Variants in TENM1 observed in about 807,000 individuals in gnomAD.
TENM1 encodes teneurin transmembrane protein 1, also known as teneurin-1.
Under a neutral mutation model 174.8 loss-of-function variants are expected in TENM1, and 35 were observed. The ratio of observed to expected loss-of-function variants is 0.20; its 90% CI spans 0.15 to 0.27. The LOEUF is 0.27. TENM1 is among the 10% of genes least tolerant of loss of function. The pLI is 1.00. For missense variants in TENM1, 1,633 were observed against 2,130.1 expected (o/e 0.77, Z 4.59); for synonymous variants, 781 against 798.7 (o/e 0.98, Z 0.37).
intron 27 of TENM1, among the ~76,000 whole-genome samples, chrX:124,402,488 C>T (rs760695701): frequency 3.6e-5 from 4 of 112,354 alleles, no homozygotes; most frequent in African/African-American, 1.3e-4. Flanking sequence ...CTTCTTAACA[C>T]TAATGAGCTC....
At chrX:125,081,572 G>C in the TENM1 span, among the ~76,000 whole-genome samples, 1 of 110,952 alleles carries the variant, frequency 9.0e-6, no homozygotes, top group Non-Finnish European at 1.9e-5. Context: ...CAATCAGCAA[G>C]TTATATAGAT....
At chrX:124,911,213 G>A (rs1033697548) in intron 1 of TENM1, among the ~76,000 whole-genome samples, 1 of 111,551 alleles carries the variant, frequency 9.0e-6, no homozygotes. Flanking sequence ...ACGGCACTTG[G>A]CCTATAATTT....
chrX:125,104,120 A>G, the TENM1 span, among the ~76,000 whole-genome samples: 1 of 112,579 alleles, frequency 8.9e-6, no homozygotes, highest in South Asian at 3.7e-4. Flanking sequence ...AAGGAAAGAA[A>G]AAGTAGGCTT....
chrX:124,546,907 T>G (rs199619574), exon 15 of TENM1: 99 of 1,208,518 alleles, frequency 8.2e-5, no homozygotes, highest in Non-Finnish European at 1.1e-4. Context: ...AGGAATGACA[T>G]GAGTACTGTC....
At chrX:124,946,798 G>A (rs971462687) in intron 1 of TENM1, among the ~76,000 whole-genome samples, 7 of 110,008 alleles carry the variant, frequency 6.4e-5, no homozygotes, top group Non-Finnish European at 1.1e-4. Context: ...GAAAGACCAC[G>A]ATGCAAAAAT....
At chrX:124,771,131 G>C (rs1040758787) in intron 3 of TENM1, among the ~76,000 whole-genome samples, 18 of 112,388 alleles carry the variant, frequency 1.6e-4, no homozygotes, top group Admixed American at 1.4e-3. Context: ...TGTTGAATAA[G>C]ATGTTTTTCA....
intron 3 of TENM1, among the ~76,000 whole-genome samples, chrX:124,803,532 C>T (rs1372216255): frequency 8.9e-6 from 1 of 112,144 alleles, no homozygotes; most frequent in Non-Finnish European, 1.9e-5. Flanking sequence ...TGTACTCATC[C>T]TGCTCCATCA....
intron 1 of TENM1, among the ~76,000 whole-genome samples, chrX:124,954,952 T>C (rs1186482569): frequency 3.6e-5 from 4 of 111,668 alleles, no homozygotes; most frequent in African/African-American, 1.3e-4. Context: ...TTTTCTTGGG[T>C]GAGACCATCA....
chrX:125,048,024 G>A, the TENM1 span, among the ~76,000 whole-genome samples: 1 of 110,843 alleles, frequency 9.0e-6, no homozygotes, highest in Non-Finnish European at 1.9e-5. Context: ...TTAGCTAGAG[G>A]GCACTGTCCC....
chrX:124,435,856 A>ACCATG (rs1293375916), intron 23 of TENM1, among the ~76,000 whole-genome samples: 1 of 111,741 alleles, frequency 8.9e-6, no homozygotes, highest in East Asian at 2.8e-4. Flanking sequence ...CTGACCACTT[A>ACCATG]CCATGTGTAC....
intron 11 of TENM1, among the ~76,000 whole-genome samples, chrX:124,630,621 A>T (rs776182947): frequency 8.9e-6 from 1 of 112,226 alleles, no homozygotes; most frequent in East Asian, 2.8e-4. Context: ...ATGGAAAGTC[A>T]GAGCTGTGCC....
At chrX:124,987,189 A>G in the TENM1 span, among the ~76,000 whole-genome samples, 2 of 111,744 alleles carry the variant, frequency 1.8e-5, no homozygotes, top group Non-Finnish European at 3.8e-5. Flanking sequence ...CACCATACTC[A>G]ATATGTAAAG....
chrX:124,772,478 G>A (rs1005267991), intron 3 of TENM1, among the ~76,000 whole-genome samples: 3 of 111,659 alleles, frequency 2.7e-5, no homozygotes, highest in Admixed American at 1.9e-4. Flanking sequence ...ATATTCCGGG[G>A]TAAGATTCAA....
At chrX:124,707,255 A>G (rs2052930600) in intron 4 of TENM1, among the ~76,000 whole-genome samples, 1 of 111,992 alleles carries the variant, frequency 8.9e-6, no homozygotes, top group African/African-American at 3.2e-5. Context: ...CGCCTACCTC[A>G]GCCTCCTAAA....
the TENM1 span, among the ~76,000 whole-genome samples, chrX:125,177,382 A>G: frequency 8.9e-6 from 1 of 112,321 alleles, no homozygotes; most frequent in East Asian, 2.8e-4. Flanking sequence ...TTGAATGAAA[A>G]CAGGACAATA....
chrX:124,773,261 T>C (rs2148625701), intron 3 of TENM1, among the ~76,000 whole-genome samples: 1 of 111,178 alleles, frequency 9.0e-6, no homozygotes, highest in Admixed American at 9.6e-5. Flanking sequence ...GATTTTTTTT[T>C]CTAATATCAT....
intron 22 of TENM1, among the ~76,000 whole-genome samples, chrX:124,471,466 A>AG (rs2061327969): frequency 1.8e-4 from 2 of 11,317 alleles, no homozygotes; most frequent in South Asian, 0.01. Context: ...AATACTATAT[A>AG]TAATATATAA....
At chrX:124,756,059 T>C (rs1289208063) in intron 3 of TENM1, among the ~76,000 whole-genome samples, 2 of 105,340 alleles carry the variant, frequency 1.9e-5, no homozygotes, top group South Asian at 8.4e-4. Flanking sequence ...TGGGAAGTTC[T>C]CCTGGATAAT....
chrX:125,115,066 G>C, the TENM1 span, among the ~76,000 whole-genome samples: 1 of 111,496 alleles, frequency 9.0e-6, no homozygotes, highest in African/African-American at 3.3e-5. Flanking sequence ...TTCATCCCTG[G>C]GATGCAAGGC....
Sources: allele counts gnomAD v4.1 joint callset (sites outside exome capture counted in the v4.1 genomes callset), GRCh38; gene constraint gnomAD v4.1.1; transcripts MANE v1.5; gene names NCBI Gene and HGNC (gene_info 2026-07-23, HGNC 2026-07-21).